The following PLCL1 variants were observed in gnomAD, a reference collection of about 807,000 sequenced individuals.
PLCL1 encodes the protein inactive phospholipase C-like protein 1.
A neutral mutation model predicts 84.4 loss-of-function variants in PLCL1; 41 were observed. The observed-to-expected ratio is 0.49, with a 90% CI of 0.38 to 0.63. The LOEUF (loss-of-function observed/expected upper bound fraction) is 0.63, where lower values mean the gene tolerates loss of function less well. Ranked by LOEUF, PLCL1 falls within the 30% of genes least tolerant of loss-of-function variation. The probability of loss-of-function intolerance (pLI) is 0.00; values close to 1 mark genes in which losing one functional copy is unlikely to be tolerated. For synonymous variants in PLCL1, 490 were observed against 488.3 expected (o/e 1.00, Z -0.05); for missense variants, 1,206 against 1,367.8 (o/e 0.88, Z 1.87).
At chr2:198,059,367 G>A (rs1342698542) in intron 1 of PLCL1, among the ~76,000 whole-genome samples, 1 of 152,140 alleles carries the variant, frequency 6.6e-6, no homozygotes, top group Non-Finnish European at 1.5e-5. Context: ...GAATCAGGAT[G>A]TTATTATCTG....
At chr2:197,976,282 A>T (rs1689978582) in intron 1 of PLCL1, among the ~76,000 whole-genome samples, 2 of 151,894 alleles carry the variant, frequency 1.3e-5, no homozygotes, top group Non-Finnish European at 2.9e-5. Flanking sequence ...CATTCAACTC[A>T]CACCTTCTGC....
At chr2:198,072,132 T>C (rs1224715054) in intron 1 of PLCL1, among the ~76,000 whole-genome samples, 1 of 151,924 alleles carries the variant, frequency 6.6e-6, no homozygotes, top group Non-Finnish European at 1.5e-5. Flanking sequence ...TTTTTATTTA[T>C]TTAATTTTTC....
chr2:197,845,684 T>C (rs1307178178), intron 1 of PLCL1, among the ~76,000 whole-genome samples: 1 of 152,128 alleles, frequency 6.6e-6, no homozygotes, highest in East Asian at 1.9e-4. Flanking sequence ...TTCCTCCCCA[T>C]AATATGTAGG....
At chr2:198,005,817 T>C (rs1303677427) in intron 1 of PLCL1, among the ~76,000 whole-genome samples, 1 of 152,248 alleles carries the variant, frequency 6.6e-6, no homozygotes, top group Non-Finnish European at 1.5e-5. Flanking sequence ...AAGGCGGTGC[T>C]GAAAGATGCA....
intron 3 of PLCL1, among the ~76,000 whole-genome samples, chr2:198,092,256 TTCACCTGCCTTCCCCAACC>T (rs1199332166): frequency 6.7e-6 from 1 of 148,966 alleles, no homozygotes; most frequent in Non-Finnish European, 1.5e-5. Flanking sequence ...CCTCTCCAGC[TTCACCTGCCTTCCCCAACC>T]TCACCTGCCT....
At chr2:197,885,514 A>T (rs1687904636) in intron 1 of PLCL1, among the ~76,000 whole-genome samples, 1 of 152,208 alleles carries the variant, frequency 6.6e-6, no homozygotes, top group South Asian at 2.1e-4. Flanking sequence ...TGTTTTACCG[A>T]GTCCACTGAT....
intron 5 of PLCL1, among the ~76,000 whole-genome samples, chr2:198,132,456 T>TGG (rs1553519971): frequency 1.3e-5 from 2 of 150,994 alleles, no homozygotes; most frequent in Non-Finnish European, 3.0e-5. Flanking sequence ...TGTGTTTTTT[T>TGG]GGGGGGGGGA....
intron 1 of PLCL1, among the ~76,000 whole-genome samples, chr2:198,065,540 T>C (rs1692304990): frequency 6.6e-6 from 1 of 152,214 alleles, no homozygotes; most frequent in Non-Finnish European, 1.5e-5. Flanking sequence ...TTAATGTATG[T>C]TTCCTTTGTC....
At chr2:197,953,120 T>C (rs1282761167) in intron 1 of PLCL1, among the ~76,000 whole-genome samples, 1 of 152,126 alleles carries the variant, frequency 6.6e-6, no homozygotes, top group Non-Finnish European at 1.5e-5. Context: ...GGTATTGTTA[T>C]CCTTAGAGAT....
intron 1 of PLCL1, among the ~76,000 whole-genome samples, chr2:197,978,006 T>C (rs2105802395): frequency 6.6e-6 from 1 of 152,350 alleles, no homozygotes; most frequent in South Asian, 2.1e-4. Flanking sequence ...TCCTGGCCTC[T>C]CTCATCCTCA....
At chr2:198,107,950 G>A (rs1051947313) in intron 5 of PLCL1, among the ~76,000 whole-genome samples, 1 of 151,816 alleles carries the variant, frequency 6.6e-6, no homozygotes, top group African/African-American at 2.4e-5. Context: ...CCAAGAGCTG[G>A]ACAAATGACC....
At chr2:197,933,625 T>C (rs1688993171) in intron 1 of PLCL1, among the ~76,000 whole-genome samples, 1 of 152,182 alleles carries the variant, frequency 6.6e-6, no homozygotes, top group Non-Finnish European at 1.5e-5. Flanking sequence ...ATTGACTATT[T>C]GTTCTGGTTC....
intron 1 of PLCL1, among the ~76,000 whole-genome samples, chr2:197,998,966 G>A (rs1215023607): frequency 2.0e-5 from 3 of 152,216 alleles, no homozygotes; most frequent in Non-Finnish European, 2.9e-5. Flanking sequence ...CCAGAGGAGA[G>A]AGACACATTC....
intron 5 of PLCL1, among the ~76,000 whole-genome samples, chr2:198,104,873 G>A (rs1693436730): frequency 6.6e-6 from 1 of 151,914 alleles, no homozygotes; most frequent in Admixed American, 6.6e-5. Flanking sequence ...CTTTCTAATG[G>A]GGTGTTTATT....
chr2:198,056,484 A>G (rs755341067), intron 1 of PLCL1, among the ~76,000 whole-genome samples: 6 of 152,092 alleles, frequency 3.9e-5, no homozygotes, highest in Non-Finnish European at 7.4e-5. Flanking sequence ...CCAGATTTGA[A>G]TCTCAATTTA....
intron 1 of PLCL1, among the ~76,000 whole-genome samples, chr2:197,948,509 AT>A (rs976906121): frequency 1.6e-3 from 237 of 146,146 alleles, no homozygotes; most frequent in African/African-American, 3.0e-3. Context: ...GTGTGGCTTA[AT>A]TTTTTTTTTT....
At chr2:197,828,507 A>T (rs186360555) in intron 1 of PLCL1, among the ~76,000 whole-genome samples, 1 of 152,220 alleles carries the variant, frequency 6.6e-6, no homozygotes, top group East Asian at 1.9e-4. Context: ...TTATGCTTGG[A>T]TTATTATAAT....
chr2:197,826,413 A>G (rs1474451066), intron 1 of PLCL1, among the ~76,000 whole-genome samples: 1 of 152,174 alleles, frequency 6.6e-6, no homozygotes, highest in Non-Finnish European at 1.5e-5. Context: ...TTGATATATA[A>G]TTGATTTATA....
intron 1 of PLCL1, among the ~76,000 whole-genome samples, chr2:197,927,574 A>G (rs2105762414): frequency 6.6e-6 from 1 of 152,342 alleles, no homozygotes; most frequent in South Asian, 2.1e-4. Flanking sequence ...TTTTCAAGGC[A>G]AACAGCCAAG....
Sources: gnomAD v4.1 joint callset for allele counts (sites outside exome capture counted in the v4.1 genomes callset) on GRCh38, gnomAD v4.1.1 for gene constraint, MANE v1.5 for transcripts, NCBI Gene and HGNC (gene_info 2026-07-23, HGNC 2026-07-21) for gene names.